Variants in ANKIB1 observed in about 807,000 individuals in gnomAD.
The protein encoded by ANKIB1 is ankyrin repeat and IBR domain-containing protein 1.
Under a neutral mutation model 122.1 loss-of-function variants are expected in ANKIB1, and 43 were observed. The observed-to-expected ratio is 0.35, with a 90% confidence interval of 0.28 to 0.45. The LOEUF is 0.45. Ranked by LOEUF, ANKIB1 falls within the 20% of genes least tolerant of loss-of-function variation. The pLI is 1.00. For missense variants in ANKIB1, 992 were observed against 1,329.5 expected (o/e 0.75, Z 3.95); for synonymous variants, 390 against 442.0 (o/e 0.88, Z 1.48).
rs1801550617 is a variant in ANKIB1, at chr7:92,261,016, AT to A, written c.-91+14499del. On this transcript the variant is annotated intron_variant, in intron 1 of 19. Coordinates refer to ENST00000265742, the MANE Select transcript of ANKIB1 (RefSeq NM_019004.2). ...TTTACTCTGCTTTCCTTTTTCTAAA[AT>A]TGATAAAGTCCAAACCTCTCTTGTT... Among the ~76,000 whole-genome samples, 2 of 150,096 alleles carry A rather than the reference AT, an allele frequency of 1.3e-5. 1 individual carries two copies. Among genetic ancestry groups the A allele is most frequent in the South Asian group, 4.3e-4 (2 of 4,662 alleles).
rs1195198387 is a variant in ANKIB1 at position 92,390,644 on chromosome 7, C to T, written c.2053-522C>T. 3.3e-5 allele frequency among the ~76,000 whole-genome samples: 5 copies of T among 152,180 alleles called. No individual in the cohort carries two copies. In the East Asian group the frequency reaches 9.6e-4, roughly 29 times the overall value. On this transcript the variant is annotated intron_variant, in intron 15 of 19. Transcript: ENST00000265742. ...TCCTGTTACAGTTTTCATGTCATCCCTTGAACTGTCCTCTGCTAATTTATA... is the reference window on the plus strand; with the variant it reads ...TCCTGTTACAGTTTTCATGTCATCCTTTGAACTGTCCTCTGCTAATTTATA...
At chr7:92,364,578 G>A (rs1414032243) in intron 10 of ANKIB1, among the ~76,000 whole-genome samples, 5 of 152,056 alleles carry the variant, frequency 3.3e-5, no homozygotes, top group African/African-American at 1.2e-4. Context: ...CTTGCTATTG[G>A]CCACCTACCT....
chr7:92,364,310 TAAAAAAAA>T (rs762884822), intron 10 of ANKIB1, among the ~76,000 whole-genome samples: 2,786 of 33,414 alleles, frequency 0.083, 127 homozygotes, highest in African/African-American at 0.24. Context: ...AGACTCCATC[TAAAAAAAA>T]AAAAAAAAAA....
At chr7:92,332,406 T>C (rs1803190585) in intron 5 of ANKIB1, among the ~76,000 whole-genome samples, 1 of 152,208 alleles carries the variant, frequency 6.6e-6, no homozygotes, top group African/African-American at 2.4e-5. Context: ...TTGAGTATTA[T>C]ACTGTGTTAT....
At chr7:92,275,423 C>T (rs1801881393) in intron 1 of ANKIB1, among the ~76,000 whole-genome samples, 1 of 152,066 alleles carries the variant, frequency 6.6e-6, no homozygotes, top group African/African-American at 2.4e-5. Context: ...GGTGGTGCTG[C>T]CCATCACCAA....
intron 2 of ANKIB1, among the ~76,000 whole-genome samples, chr7:92,298,836 T>G (rs1431311965): frequency 6.6e-6 from 1 of 151,858 alleles, no homozygotes; most frequent in African/African-American, 2.4e-5. Context: ...AAATTAATTT[T>G]AATTAATCTC....
At chr7:92,247,591 C>G (rs1054651700) in intron 1 of ANKIB1, among the ~76,000 whole-genome samples, 1 of 152,108 alleles carries the variant, frequency 6.6e-6, no homozygotes, top group African/African-American at 2.4e-5. Context: ...GGCGTTTTTT[C>G]TCATTAGAAT....
At chr7:92,368,007 T>C (rs1804133271) in intron 10 of ANKIB1, among the ~76,000 whole-genome samples, 1 of 151,990 alleles carries the variant, frequency 6.6e-6, no homozygotes, top group African/African-American at 2.4e-5. Context: ...AATAAAAAAC[T>C]TAGCTAGGCA....
At chr7:92,349,433 C>T (rs1247739382) in intron 7 of ANKIB1, among the ~76,000 whole-genome samples, 3 of 152,174 alleles carry the variant, frequency 2.0e-5, no homozygotes, top group Admixed American at 2.0e-4. Context: ...GTTGTCGTTG[C>T]TGCTGTTGTT....
At chr7:92,364,069 A>G (rs185819878) in intron 10 of ANKIB1, among the ~76,000 whole-genome samples, 305 of 152,214 alleles carry the variant, frequency 2.0e-3, no homozygotes, top group African/African-American at 6.9e-3. Flanking sequence ...GCACTTTGGG[A>G]GGCCGAGGCA....
intron 1 of ANKIB1, among the ~76,000 whole-genome samples, chr7:92,247,684 A>G (rs1801193410): frequency 6.6e-6 from 1 of 152,246 alleles, no homozygotes; most frequent in African/African-American, 2.4e-5. Flanking sequence ...GTGATTGGAC[A>G]ATAGCTCTTA....
intron 1 of ANKIB1, among the ~76,000 whole-genome samples, chr7:92,265,039 T>C (rs1443199173): frequency 1.3e-5 from 2 of 152,220 alleles, no homozygotes; most frequent in African/African-American, 4.8e-5. Context: ...TCAGTGGTGC[T>C]ATCATATCTC....
Position 92,397,837 on chromosome 7 carries a change from C to G in ANKIB1, c.2510C>G (p.Ser837Cys), listed in dbSNP as rs746882308. 1.1e-5 allele frequency: 18 copies of G among 1,607,556 alleles called. No individual in the cohort carries two copies. The South Asian group carries it at 1.9e-4, about 17-fold the overall frequency. ...CGTGACTACACCCCTGCCAGTCGCT[C>G]TGAAAACCAGGACTCTCTTCAGGTA... ...SLRDYTPASR[S>C]ENQDSLQALS... Residue 837 changes from serine to cysteine, a missense_variant, in exon 19 of 20, where the codon TCT (serine) becomes TGT (cysteine). By Grantham distance (112) the Ser-to-Cys change is moderately radical. This residue lies in a region of ANKIB1 where 384 missense variants were observed against 412.0 expected (regional missense o/e 0.93). Coordinates refer to ENST00000265742, the MANE Select transcript of ANKIB1 (RefSeq NM_019004.2).
intron 10 of ANKIB1, among the ~76,000 whole-genome samples, chr7:92,364,277 A>C (rs554089278): frequency 4.5e-4 from 61 of 136,258 alleles, no homozygotes; most frequent in African/African-American, 1.7e-3. Context: ...GCCCCACTGC[A>C]CTCTAGCCTG....
chr7:92,348,622 G>C (rs1803594237), intron 7 of ANKIB1, among the ~76,000 whole-genome samples: 1 of 152,158 alleles, frequency 6.6e-6, no homozygotes, highest in African/African-American at 2.4e-5. Flanking sequence ...CTGACCTTGT[G>C]ATCCGCCTAC....
chr7:92,360,110 A>G (rs970282969), intron 9 of ANKIB1, among the ~76,000 whole-genome samples: 2 of 152,130 alleles, frequency 1.3e-5, no homozygotes, highest in Non-Finnish European at 1.5e-5. Flanking sequence ...TAAGTATGCA[A>G]TTCAGTGACA....
chr7:92,298,904 G>A (rs891118939), intron 2 of ANKIB1, among the ~76,000 whole-genome samples: 6 of 151,908 alleles, frequency 3.9e-5, no homozygotes, highest in African/African-American at 1.5e-4. Context: ...TATGCATAAA[G>A]CATTTCTGCT....
chr7:92,390,635 A>T (rs1266613916), intron 15 of ANKIB1, among the ~76,000 whole-genome samples: 1 of 152,200 alleles, frequency 6.6e-6, no homozygotes, highest in Non-Finnish European at 1.5e-5. Flanking sequence ...TACAGTTTTC[A>T]TGTCATCCCT....
At chr7:92,314,977 G>A (rs1802764238) in intron 3 of ANKIB1, among the ~76,000 whole-genome samples, 1 of 151,874 alleles carries the variant, frequency 6.6e-6, no homozygotes, top group African/African-American at 2.4e-5. Context: ...AGCCTTTGGT[G>A]ACTCAGTCAG....
Sources: gnomAD v4.1 joint callset for allele counts (sites outside exome capture counted in the v4.1 genomes callset) on GRCh38, gnomAD v4.1.1 for gene constraint, gnomAD v4.1.1 regional missense constraint, MANE v1.5 for transcripts, NCBI Gene and HGNC (gene_info 2026-07-23, HGNC 2026-07-21) for gene names.